The following PPARGC1B variants were observed in gnomAD, a reference collection of about 807,000 sequenced individuals.
PPARGC1B encodes the protein PPARG coactivator 1 beta, also known as peroxisome proliferator-activated receptor gamma coactivator 1-beta.
PPARGC1B carries 34 observed loss-of-function variants against 101.6 expected under a neutral mutation model. That is an observed-to-expected ratio of 0.33 (90% CI 0.25 to 0.45). The LOEUF (loss-of-function observed/expected upper bound fraction) is 0.45, where lower values mean the gene tolerates loss of function less well. Among genes scored for constraint, PPARGC1B ranks in the 20% least tolerant of loss-of-function variants. The pLI is 1.00. For missense variants in PPARGC1B, 1,234 were observed against 1,317.6 expected (o/e 0.94, Z 0.98); for synonymous variants, 548 against 539.3 (o/e 1.02, Z -0.22).
At chr5:149,778,009 C>G (rs1310563851) in intron 1 of PPARGC1B, among the ~76,000 whole-genome samples, 1 of 117,172 alleles carries the variant, frequency 8.5e-6, no homozygotes, top group Non-Finnish European at 1.7e-5. Flanking sequence ...CCCTTCCCCC[C>G]CCCACAGACA....
At chr5:149,757,748 C>T (rs1010100511) in intron 1 of PPARGC1B, among the ~76,000 whole-genome samples, 6 of 152,176 alleles carry the variant, frequency 3.9e-5, no homozygotes, top group African/African-American at 7.2e-5. Context: ...GGGAGGTTTC[C>T]AGAATTGGAA....
At chr5:149,857,025 G>T (rs1215660745), downstream of PPARGC1B, among the ~76,000 whole-genome samples, 2 of 151,942 alleles carry the variant, frequency 1.3e-5, no homozygotes, top group Non-Finnish European at 2.9e-5. Context: ...ATCCACCTCG[G>T]CCTCCCAAAG....
At chr5:149,764,496 C>G (rs1160144224) in intron 1 of PPARGC1B, among the ~76,000 whole-genome samples, 1 of 152,060 alleles carries the variant, frequency 6.6e-6, no homozygotes, top group Non-Finnish European at 1.5e-5. Flanking sequence ...GGTGCCAGAC[C>G]CAAGTAGAAC....
At chr5:149,829,121 T>G (rs2113384482) in intron 3 of PPARGC1B, among the ~76,000 whole-genome samples, 1 of 152,210 alleles carries the variant, frequency 6.6e-6, no homozygotes, top group East Asian at 1.9e-4. Flanking sequence ...GGGCCATGGA[T>G]CCCAGAGAGT....
intron 1 of PPARGC1B, among the ~76,000 whole-genome samples, chr5:149,764,280 G>A (rs891078788): frequency 6.6e-6 from 1 of 152,220 alleles, no homozygotes; most frequent in Non-Finnish European, 1.5e-5. Context: ...GTGGATGGGA[G>A]CAGGATTAGC....
chr5:149,740,482 C>G (rs924663450), intron 1 of PPARGC1B, among the ~76,000 whole-genome samples: 5 of 152,126 alleles, frequency 3.3e-5, no homozygotes, highest in Non-Finnish European at 7.4e-5. Context: ...TTTTTCCTCT[C>G]TACTTGTGGG....
At chr5:149,776,691 G>A (rs1756372386) in intron 1 of PPARGC1B, among the ~76,000 whole-genome samples, 1 of 152,192 alleles carries the variant, frequency 6.6e-6, no homozygotes, top group South Asian at 2.1e-4. Flanking sequence ...CCCACCCAGA[G>A]GCCACCATTG....
Position 149,810,738 on chromosome 5 carries a change from G to A in PPARGC1B, c.79-9695G>A, listed in dbSNP as rs768712488. ...GGAAACTGGTCTGGACAGGTCACACGGGAGATCCCGGTTTGTGTTCCGGCC... is the reference window on the plus strand; with the variant it reads ...GGAAACTGGTCTGGACAGGTCACACAGGAGATCCCGGTTTGTGTTCCGGCC... On this transcript the variant is annotated intron_variant, in intron 1 of 11. Coordinates refer to ENST00000309241, the MANE Select transcript of PPARGC1B (RefSeq NM_133263.4). Among the ~76,000 whole-genome samples, 11 of 152,274 alleles carry A rather than the reference G, an allele frequency of 7.2e-5. No homozygotes were observed. The Middle Eastern group carries it at 0.01, about 141-fold the overall frequency.
At chr5:149,808,846 A>G (rs928689015) in intron 1 of PPARGC1B, among the ~76,000 whole-genome samples, 6 of 152,330 alleles carry the variant, frequency 3.9e-5, no homozygotes, top group African/African-American at 9.6e-5. Flanking sequence ...CCCTGCTCAC[A>G]TGGAGCTGCC....
chr5:149,754,368 G>C (rs2113130282), intron 1 of PPARGC1B, among the ~76,000 whole-genome samples: 1 of 152,304 alleles, frequency 6.6e-6, no homozygotes, highest in South Asian at 2.1e-4. Context: ...GCTAGGGTCA[G>C]GGTCCAGACC....
chr5:149,732,165 G>T (rs1754519177), intron 1 of PPARGC1B, among the ~76,000 whole-genome samples: 1 of 151,996 alleles, frequency 6.6e-6, no homozygotes, highest in African/African-American at 2.4e-5. Flanking sequence ...TCCGTCACAC[G>T]CCCCGCGCCG....
At chr5:149,756,541 A>G (rs1386803795) in intron 1 of PPARGC1B, among the ~76,000 whole-genome samples, 1 of 152,224 alleles carries the variant, frequency 6.6e-6, no homozygotes, top group Non-Finnish European at 1.5e-5. Flanking sequence ...GCACTGGTCC[A>G]GATGTTGGGG....
At position 149,849,055 on chromosome 5, in the gene PPARGC1B, T is replaced by G. The variant is rs1404829535; in HGVS notation, c.*1497T>G. The stretch of plus-strand genomic sequence containing the variant: ...GCCAGGCAGGGTATGAGTACATTGT[T>G]TCTGATTTCTTTCATACATCAGGGT... On this transcript the variant is annotated 3_prime_UTR_variant, in exon 12 of 12. Coordinates refer to ENST00000309241, the MANE Select transcript of PPARGC1B (RefSeq NM_133263.4). 1.3e-5 allele frequency: 2 copies of G among 152,190 alleles called. No individual in the cohort carries two copies. Among genetic ancestry groups the G allele is most frequent in the Non-Finnish European group, 2.9e-5 (2 of 68,038 alleles). 9.4% of individuals were successfully genotyped at this position (152,190 alleles called of 1,614,324 possible). A position where few individuals can be genotyped will look rare whatever the true frequency, so the allele number is the denominator to read the frequency against.
chr5:149,753,540 AT>A lies in PPARGC1B; in HGVS notation c.78+23128del, dbSNP rs1212615216. ...TATTTATTTATTTTTAGTTAAAAAA[AT>A]TTTTTTTAACCTACCTCTTACACAG... On this transcript the variant is annotated intron_variant, in intron 1 of 11. Transcript: ENST00000309241. 5.9e-5 allele frequency among the ~76,000 whole-genome samples: 9 copies of A among 151,842 alleles called. No individual in the cohort carries two copies. The East Asian group carries it at 1.2e-3, about 20-fold the overall frequency.
In PPARGC1B at chr5:149,739,146, CA is replaced by C. The variant is rs769163446; in HGVS notation, c.78+8727del. Reference sequence around the variant, plus strand: ...TGACTATGGAAAATGTCAACTCATACAGAAGTAGACAGTAGAGAGAACAGTA... The same window carrying C: ...TGACTATGGAAAATGTCAACTCATACGAAGTAGACAGTAGAGAGAACAGTA... On this transcript the variant is annotated intron_variant, in intron 1 of 11. Coordinates refer to ENST00000309241, the MANE Select transcript of PPARGC1B (RefSeq NM_133263.4). Among the ~76,000 whole-genome samples, 29 of 152,316 alleles carry C rather than the reference CA, an allele frequency of 1.9e-4. No homozygotes were observed. In the Middle Eastern group the frequency reaches 0.014, roughly 71 times the overall value.
chr5:149,807,101 A>G (rs1044129698), intron 1 of PPARGC1B, among the ~76,000 whole-genome samples: 6 of 151,502 alleles, frequency 4.0e-5, no homozygotes, highest in Non-Finnish European at 5.9e-5. Context: ...TTGGGACAAT[A>G]GGCATACGCT....
At chr5:149,829,092 G>A (rs750115149) in intron 3 of PPARGC1B, among the ~76,000 whole-genome samples, 1 of 151,362 alleles carries the variant, frequency 6.6e-6, no homozygotes, top group Non-Finnish European at 1.5e-5. Context: ...GCCCTGAGAA[G>A]TCATCTGGAC....
intron 3 of PPARGC1B, among the ~76,000 whole-genome samples, chr5:149,828,782 T>C (rs1255384143): frequency 6.6e-6 from 1 of 152,148 alleles, no homozygotes; most frequent in Non-Finnish European, 1.5e-5. Flanking sequence ...CACAGTGGCT[T>C]ATACCTGTAA....
intron 1 of PPARGC1B, among the ~76,000 whole-genome samples, chr5:149,808,917 G>C (rs1258668382): frequency 6.6e-6 from 1 of 152,126 alleles, no homozygotes; most frequent in East Asian, 1.9e-4. Flanking sequence ...TTCTGGAGAT[G>C]GATGGTGGTG....
Sources: allele counts gnomAD v4.1 joint callset (sites outside exome capture counted in the v4.1 genomes callset), GRCh38; gene constraint gnomAD v4.1.1; transcripts MANE v1.5; gene names NCBI Gene and HGNC (gene_info 2026-07-23, HGNC 2026-07-21).